MAP3K15: variants seen among roughly 807,000 people sequenced by gnomAD.
The protein encoded by MAP3K15 is mitogen-activated protein kinase kinase kinase 15, also known as MAPK/ERK kinase kinase 15.
In MAP3K15, 124 loss-of-function variants were observed where a neutral mutation model predicts 99.5. The observed-to-expected ratio is 1.25, with a 90% CI of 1.08 to 1.45. The LOEUF (loss-of-function observed/expected upper bound fraction) is 1.45. Ranked by LOEUF, MAP3K15 falls within the 40% of genes most tolerant of loss-of-function variation. MAP3K15 has a pLI of 0.00. For missense variants in MAP3K15, 1,242 were observed against 1,079.7 expected (o/e 1.15, Z -2.11); for synonymous variants, 494 against 439.6 (o/e 1.12, Z -1.55).
intron 13 of MAP3K15, 78 bp downstream of exon 13, chrX:19,407,110 A>G (rs2063654088): frequency 3.5e-6 from 2 of 572,061 alleles, no homozygotes; most frequent in African/African-American, 2.4e-5. Context: ...TAGCAAGTAA[A>G]TATCTTTCAG....
At chrX:19,434,226 T>A (rs1320204397) in intron 6 of MAP3K15, among the ~76,000 whole-genome samples, 2 of 104,659 alleles carry the variant, frequency 1.9e-5, no homozygotes, top group Non-Finnish European at 3.8e-5. Flanking sequence ...GGTAATAGGT[T>A]TTTTTTGTTT....
At chrX:19,366,411 C>T (rs2063335249) in intron 25 of MAP3K15, among the ~76,000 whole-genome samples, 3 of 111,746 alleles carry the variant, frequency 2.7e-5, no homozygotes, top group Admixed American at 9.5e-5. Context: ...CTTCATACTA[C>T]AGTGATATGG....
chrX:19,477,527 G>A (rs2147383032), intron 3 of MAP3K15, among the ~76,000 whole-genome samples: 1 of 107,561 alleles, frequency 9.3e-6, no homozygotes, highest in African/African-American at 3.4e-5. Flanking sequence ...CTGGCCAACA[G>A]GGTTAAACCC....
chrX:19,426,369 T>G (rs971296071), intron 7 of MAP3K15, 26 bp from the exon 8 acceptor site: 1 of 853,072 alleles, frequency 1.2e-6, no homozygotes, highest in East Asian at 3.7e-5. Flanking sequence ...CACCAAAGTA[T>G]TATTATATTA....
chrX:19,390,351 A>G (rs1329296048), intron 18 of MAP3K15, among the ~76,000 whole-genome samples: 5 of 82,232 alleles, frequency 6.1e-5, no homozygotes, highest in Non-Finnish European at 8.9e-5. Context: ...TCTGCCACCC[A>G]GGCTGGAGTG....
At chrX:19,403,460 C>CTTTTTTTTT (rs144389481) in intron 13 of MAP3K15, among the ~76,000 whole-genome samples, 1 of 87,002 alleles carries the variant, frequency 1.1e-5, no homozygotes, top group African/African-American at 4.6e-5. Context: ...TTATTCTATT[C>CTTTTTTTTT]TTTTTTTTTT....
At chrX:19,484,272 C>T (rs1048683373) in intron 3 of MAP3K15, among the ~76,000 whole-genome samples, 1 of 110,906 alleles carries the variant, frequency 9.0e-6, no homozygotes, top group African/African-American at 3.3e-5. Flanking sequence ...GAGTGCAAAC[C>T]CTATTGTGAA....
Position 19,496,043 on chromosome X carries a change from C to A in MAP3K15, c.362-7076G>T, listed in dbSNP as rs570532200. 1.1e-4 allele frequency among the ~76,000 whole-genome samples: 12 copies of A among 107,491 alleles called. No homozygotes were observed. In the South Asian group the frequency reaches 4.9e-3, roughly 44 times the overall value. The allele number at this position is 107,491 out of a possible 115,157, so 93.3% of individuals were successfully genotyped here. On this transcript the variant is annotated intron_variant, in intron 1 of 28. Coordinates refer to ENST00000338883, the MANE Select transcript of MAP3K15 (RefSeq NM_001001671.4). The stretch of plus-strand genomic sequence containing the variant: ...ACAGCTCCAACTCTGGGTTCCCTGG[C>A]AGCCAGTGAACACATCACCCCAATT...
At chrX:19,387,681 GTCT>G (rs1034503064) in intron 18 of MAP3K15, among the ~76,000 whole-genome samples, 2 of 111,574 alleles carry the variant, frequency 1.8e-5, no homozygotes, top group Non-Finnish European at 3.8e-5. Context: ...CCAGCATATG[GTCT>G]TCTTAAAAGG....
intron 18 of MAP3K15, among the ~76,000 whole-genome samples, chrX:19,380,687 G>A (rs1373105576): frequency 8.9e-6 from 1 of 111,974 alleles, no homozygotes. Flanking sequence ...CACCATGCCC[G>A]GCTAATTTTT....
chrX:19,446,236 G>C (rs757536555), intron 6 of MAP3K15, among the ~76,000 whole-genome samples: 7 of 112,083 alleles, frequency 6.2e-5, no homozygotes. Flanking sequence ...TGACGTAATT[G>C]AGTTTACAAC....
At chrX:19,499,304 G>T (rs1218855377) in intron 1 of MAP3K15, among the ~76,000 whole-genome samples, 1 of 112,236 alleles carries the variant, frequency 8.9e-6, no homozygotes, top group South Asian at 3.7e-4. Context: ...TGAAGCCACT[G>T]AAACTGTCAC....
intron 6 of MAP3K15, among the ~76,000 whole-genome samples, chrX:19,452,065 GA>G (rs1461886933): frequency 5.9e-4 from 2 of 3,365 alleles, no homozygotes; most frequent in Non-Finnish European, 0.057. Context: ...TCAGAGAAGA[GA>G]AGAGAAGAGA....
chrX:19,491,446 C>T (rs1180469985), intron 1 of MAP3K15, among the ~76,000 whole-genome samples: 4 of 110,090 alleles, frequency 3.6e-5, no homozygotes, highest in Non-Finnish European at 7.6e-5. Flanking sequence ...CTGTCCATGA[C>T]CTGAGGCTCT....
At chrX:19,425,503 G>T in intron 9 of MAP3K15, 28 bp downstream of exon 9, 1 of 1,166,328 alleles carries the variant, frequency 8.6e-7, no homozygotes, top group Non-Finnish European at 1.1e-6. Flanking sequence ...ATTGAGATGG[G>T]TGATGACAAC....
At chrX:19,407,395 TAAAC>T (rs756565710) in intron 12 of MAP3K15, 112 bp from the exon 13 acceptor site, 1 of 426,631 alleles carries the variant, frequency 2.3e-6, no homozygotes, top group Non-Finnish European at 3.9e-6. Context: ...ATTAATGTTT[TAAAC>T]AAACACCCCC....
intron 1 of MAP3K15, among the ~76,000 whole-genome samples, chrX:19,513,536 A>G: frequency 9.0e-6 from 1 of 111,324 alleles, no homozygotes. Flanking sequence ...TCCAGCTGCC[A>G]CTTGTTTAAA....
chrX:19,495,909 T>C (rs1382682197), intron 1 of MAP3K15, among the ~76,000 whole-genome samples: 4 of 110,713 alleles, frequency 3.6e-5, no homozygotes, highest in African/African-American at 9.8e-5. Flanking sequence ...TGAGCTATGA[T>C]TGTGCCACTG....
At chrX:19,414,122 C>T (rs1197280812) in intron 10 of MAP3K15, 1 of 96,449 alleles carries the variant, frequency 1.0e-5, no homozygotes, top group Non-Finnish European at 2.0e-5. Context: ...GGTTGCACCA[C>T]TGCACGAGAC....
Sources: allele counts gnomAD v4.1 joint callset (sites outside exome capture counted in the v4.1 genomes callset), GRCh38; gene constraint gnomAD v4.1.1; transcripts MANE v1.5; gene names NCBI Gene and HGNC (gene_info 2026-07-23, HGNC 2026-07-21).